NBEA: variants seen among roughly 807,000 people sequenced by gnomAD.
NBEA encodes neurobeachin, also known as lysosomal-trafficking regulator 2.
NBEA carries 44 observed loss-of-function variants against 343.4 expected under a neutral mutation model. That is an observed-to-expected ratio of 0.13 (90% CI 0.10 to 0.16). The LOEUF is 0.16. NBEA is among the 10% of genes least tolerant of loss of function. The pLI is 1.00. For missense variants in NBEA, 2,555 were observed against 3,631.3 expected (o/e 0.70, Z 7.62); for synonymous variants, 1,175 against 1,238.7 (o/e 0.95, Z 1.08).
At position 35,665,108 on chromosome 13, in the gene NBEA, G is replaced by A. The variant is rs368581341; in HGVS notation, c.8386G>A (p.Val2796Ile). Residue 2796 changes from valine (V) to isoleucine (I), a missense_variant, in exon 56 of 59, where the codon GTC (valine) becomes ATC (isoleucine). Transcript: ENST00000379939. ...AGGTGACTATCCGGCACCAAGAGCC[G>A]TCCTCACAGGCCATGACCATGAAGT... ...NSSDYPAPRA[V>I]LTGHDHEVVC... 37 of 1,578,374 alleles carry A rather than the reference G, an allele frequency of 2.3e-5. No homozygotes were observed. Among genetic ancestry groups the A allele is most frequent in the South Asian group, 9.3e-5 (8 of 86,094 alleles).
At chr13:35,422,094 T>G (rs1335990825) in intron 38 of NBEA, among the ~76,000 whole-genome samples, 1 of 109,214 alleles carries the variant, frequency 9.2e-6, no homozygotes, top group Non-Finnish European at 1.8e-5. Flanking sequence ...GTTTGTTTGT[T>G]TTTTTTTTTT....
At chr13:35,124,282 A>T (rs1312569349) in intron 17 of NBEA, among the ~76,000 whole-genome samples, 12 of 150,682 alleles carry the variant, frequency 8.0e-5, no homozygotes, top group African/African-American at 2.9e-4. Context: ...GCTTACTTAA[A>T]TTTGCAAAGC....
At chr13:35,471,281 G>A (rs534201167) in intron 40 of NBEA, among the ~76,000 whole-genome samples, 1 of 152,274 alleles carries the variant, frequency 6.6e-6, no homozygotes, top group South Asian at 2.1e-4. Flanking sequence ...CCGGCCCGGC[G>A]GGGGCCGAGG....
At chr13:35,105,542 G>A (rs907909366) in intron 11 of NBEA, among the ~76,000 whole-genome samples, 1 of 151,988 alleles carries the variant, frequency 6.6e-6, no homozygotes, top group South Asian at 2.1e-4. Flanking sequence ...TGAAGAAAGC[G>A]AGCTCATTTC....
At chr13:35,201,817 A>G (rs959676787) in intron 31 of NBEA, among the ~76,000 whole-genome samples, 5 of 152,072 alleles carry the variant, frequency 3.3e-5, no homozygotes, top group Non-Finnish European at 7.4e-5. Flanking sequence ...GAAAAGGTGC[A>G]TCTCCATTCT....
At chr13:35,311,648 G>GT (rs1172737236) in intron 36 of NBEA, among the ~76,000 whole-genome samples, 2 of 152,202 alleles carry the variant, frequency 1.3e-5, no homozygotes, top group African/African-American at 4.8e-5. Flanking sequence ...GAGGTCAGGA[G>GT]TTTGAGACCG....
At chr13:35,357,474 A>G (rs1018554734) in intron 38 of NBEA, among the ~76,000 whole-genome samples, 126 of 151,838 alleles carry the variant, frequency 8.3e-4, no homozygotes, top group African/African-American at 2.9e-3. Context: ...CATAGGCCCC[A>G]GTGTGTGTTG....
intron 45 of NBEA, among the ~76,000 whole-genome samples, chr13:35,572,400 G>A (rs1007369056): frequency 1.3e-5 from 2 of 152,074 alleles, no homozygotes; most frequent in African/African-American, 2.4e-5. Context: ...TACTAATATT[G>A]ACATGAACAT....
chr13:34,968,740 CTGATA>C (rs1196020774), intron 1 of NBEA, among the ~76,000 whole-genome samples: 3 of 151,970 alleles, frequency 2.0e-5, no homozygotes, highest in African/African-American at 7.3e-5. Flanking sequence ...AAACTTTTTG[CTGATA>C]TGATACTATT....
chr13:35,473,908 T>C (rs1419416164), intron 41 of NBEA, among the ~76,000 whole-genome samples: 1 of 152,176 alleles, frequency 6.6e-6, no homozygotes, highest in Non-Finnish European at 1.5e-5. Flanking sequence ...ATCTCTACTG[T>C]CATGATAGAC....
intron 1 of NBEA, among the ~76,000 whole-genome samples, chr13:35,010,082 G>A (rs1266000104): frequency 1.3e-5 from 2 of 152,154 alleles, no homozygotes; most frequent in African/African-American, 4.8e-5. Context: ...CAGCTAAGAG[G>A]AGATGACAAG....
intron 40 of NBEA, among the ~76,000 whole-genome samples, chr13:35,469,243 T>G (rs2075537485): frequency 6.6e-6 from 1 of 152,152 alleles, no homozygotes; most frequent in Non-Finnish European, 1.5e-5. Context: ...AAAATATATT[T>G]GATAAATTGT....
At position 34,942,559 on chromosome 13, in the gene NBEA, G is replaced by A; in HGVS notation, c.-262G>A. ...CGGCAGCGGCAGCGGCACACCTGCTGGGCGGGCACAGCCGCTTGCCCGGCA... is the reference window on the plus strand; with the variant it reads ...CGGCAGCGGCAGCGGCACACCTGCTAGGCGGGCACAGCCGCTTGCCCGGCA... On this transcript the variant is annotated 5_prime_UTR_variant, in exon 1 of 59. Transcript: ENST00000379939. The A allele has an allele frequency of 4.3e-6, 1 of 233,196 alleles. No homozygotes were observed. 14.4% of individuals were successfully genotyped at this position (233,196 alleles called of 1,614,324 possible).
intron 36 of NBEA, among the ~76,000 whole-genome samples, chr13:35,344,547 C>T (rs911266596): frequency 1.3e-5 from 2 of 151,660 alleles, no homozygotes; most frequent in Non-Finnish European, 2.9e-5. Context: ...TAAAACAACA[C>T]AAATAGTGAA....
intron 40 of NBEA, among the ~76,000 whole-genome samples, chr13:35,471,920 G>A (rs1023751839): frequency 2.2e-4 from 34 of 152,200 alleles, no homozygotes; most frequent in African/African-American, 8.2e-4. Context: ...TCTGAACAGC[G>A]GAATTTATCA....
chr13:35,522,567 G>T (rs1396216135), intron 41 of NBEA, among the ~76,000 whole-genome samples: 1 of 150,540 alleles, frequency 6.6e-6, no homozygotes, highest in Non-Finnish European at 1.5e-5. Flanking sequence ...GTTGCCGGAG[G>T]TTAGAAAACC....
chr13:35,642,598 C>T (rs947997416), intron 49 of NBEA, among the ~76,000 whole-genome samples: 13 of 152,142 alleles, frequency 8.5e-5, no homozygotes, highest in African/African-American at 2.9e-4. Flanking sequence ...CATATAAGAA[C>T]CAGACAGGGA....
rs148096087 is a variant in NBEA at position 35,422,148 on chromosome 13, T to A, written c.6180-10121T>A. ...TCACATGCAGAGCATCTTTTTTTTT[T>A]AATTTTATTATTATTATACTTTCAG... On this transcript the variant is annotated intron_variant, in intron 38 of 58. Transcript: ENST00000379939. 4.7e-4 allele frequency among the ~76,000 whole-genome samples: 71 copies of A among 151,250 alleles called. 1 individual carries two copies. The East Asian group carries it at 9.9e-3, about 21-fold the overall frequency.
chr13:35,515,812 A>G (rs1206733179), intron 41 of NBEA, among the ~76,000 whole-genome samples: 1 of 152,086 alleles, frequency 6.6e-6, no homozygotes, highest in African/African-American at 2.4e-5. Context: ...AGTAATTAAA[A>G]GCTTAAAATA....
Sources: gnomAD v4.1 joint callset for allele counts (sites outside exome capture counted in the v4.1 genomes callset) on GRCh38, gnomAD v4.1.1 for gene constraint, MANE v1.5 for transcripts, NCBI Gene and HGNC (gene_info 2026-07-23, HGNC 2026-07-21) for gene names.